Variants in DOCK3 observed in about 807,000 individuals in gnomAD.
DOCK3 encodes dedicator of cytokinesis protein 3.
In DOCK3, 60 loss-of-function variants were observed where a neutral mutation model predicts 265.6. That is an observed-to-expected ratio of 0.23 (90% CI 0.18 to 0.28). The LOEUF (loss-of-function observed/expected upper bound fraction) is 0.28, where lower values mean the gene tolerates loss of function less well. Ranked by LOEUF, DOCK3 falls within the 10% of genes least tolerant of loss-of-function variation. The probability of loss-of-function intolerance (pLI) is 1.00; values close to 1 mark genes in which losing one functional copy is unlikely to be tolerated. For missense variants in DOCK3, 1,981 were observed against 2,594.3 expected, an observed-to-expected ratio of 0.76 and a Z score of 5.14; for synonymous variants, 881 against 938.0, an observed-to-expected ratio of 0.94 and a Z score of 1.11.
intron 1 of DOCK3, among the ~76,000 whole-genome samples, chr3:50,732,802 T>C (rs1293715333): frequency 6.6e-6 from 1 of 152,176 alleles, no homozygotes; most frequent in Non-Finnish European, 1.5e-5. Context: ...TTATATTGTA[T>C]ACCTAAGGAT....
intron 27 of DOCK3, among the ~76,000 whole-genome samples, chr3:51,289,842 G>GA (rs1254367658): frequency 6.6e-6 from 1 of 151,740 alleles, no homozygotes; most frequent in Non-Finnish European, 1.5e-5. Context: ...AAATTTACAA[G>GA]AAAAAAACAA....
chr3:51,042,970 C>G (rs2080599194), intron 5 of DOCK3, among the ~76,000 whole-genome samples: 1 of 152,178 alleles, frequency 6.6e-6, no homozygotes, highest in Non-Finnish European at 1.5e-5. Context: ...TTAAAAAATT[C>G]CACACTCATG....
chr3:51,322,625 C>G (rs1046152066), intron 32 of DOCK3, among the ~76,000 whole-genome samples: 25 of 152,116 alleles, frequency 1.6e-4, no homozygotes, highest in African/African-American at 5.3e-4. Flanking sequence ...CACCACCAGG[C>G]CTGCCTTACA....
intron 10 of DOCK3, among the ~76,000 whole-genome samples, chr3:51,148,830 T>G (rs2085427660): frequency 6.6e-6 from 1 of 152,218 alleles, no homozygotes; most frequent in African/African-American, 2.4e-5. Context: ...ATGTGGGCTC[T>G]TTTTTGGTTC....
chr3:51,046,089 T>C (rs563786364), intron 5 of DOCK3, among the ~76,000 whole-genome samples: 40 of 152,168 alleles, frequency 2.6e-4, no homozygotes, highest in Non-Finnish European at 4.3e-4. Flanking sequence ...AAAAAACCTG[T>C]CATAGATTTT....
intron 3 of DOCK3, among the ~76,000 whole-genome samples, chr3:50,878,590 G>A (rs2355703): frequency 0.16 from 24,232 of 151,486 alleles, 2,325 homozygotes; most frequent in African/African-American, 0.26. Context: ...AAAAAGTAAA[G>A]AGAAACGAAC....
At chr3:50,702,177 G>C (rs2107826614) in intron 1 of DOCK3, among the ~76,000 whole-genome samples, 1 of 152,208 alleles carries the variant, frequency 6.6e-6, no homozygotes, top group East Asian at 1.9e-4. Context: ...TTTTAACACT[G>C]TTAGTTCTTT....
intron 12 of DOCK3, among the ~76,000 whole-genome samples, chr3:51,172,767 G>A (rs1360033593): frequency 6.6e-6 from 1 of 151,824 alleles, no homozygotes; most frequent in Non-Finnish European, 1.5e-5. Context: ...TTTTTATACT[G>A]GTATACTTTC....
chr3:50,915,470 C>T (rs556089683), intron 4 of DOCK3, among the ~76,000 whole-genome samples: 6 of 152,170 alleles, frequency 3.9e-5, no homozygotes, highest in East Asian at 3.9e-4. Context: ...GACGAGTTCA[C>T]CTGCATGGAA....
intron 3 of DOCK3, among the ~76,000 whole-genome samples, chr3:50,856,378 T>A (rs1435638431): frequency 6.6e-6 from 1 of 152,186 alleles, no homozygotes; most frequent in Non-Finnish European, 1.5e-5. Context: ...AATAGCCATT[T>A]TGACTGGCAT....
chr3:50,888,487 C>G (rs1030324930), intron 3 of DOCK3, among the ~76,000 whole-genome samples: 5 of 152,284 alleles, frequency 3.3e-5, no homozygotes, highest in Non-Finnish European at 5.9e-5. Flanking sequence ...CAATGACTTT[C>G]TTCACAGAAT....
chr3:50,971,284 C>T (rs2077225899), intron 5 of DOCK3, among the ~76,000 whole-genome samples: 1 of 151,602 alleles, frequency 6.6e-6, no homozygotes, highest in South Asian at 2.1e-4. Flanking sequence ...TTCTCTGTTT[C>T]CTTCTTTTCT....
In DOCK3 at chr3:50,803,828, C is replaced by T. The variant is rs931092608; in HGVS notation, c.121+25070C>T. Among the ~76,000 whole-genome samples the T allele has an allele frequency of 7.3e-5, 11 of 151,362 alleles. 1 individual carries two copies. The highest frequency in any genetic ancestry group is 3.9e-4 in the East Asian group (2 of 5,098). On this transcript the variant is annotated intron_variant, in intron 2 of 52. Coordinates refer to ENST00000266037, the MANE Select transcript of DOCK3 (RefSeq NM_004947.5). The stretch of plus-strand genomic sequence containing the variant: ...CTCCCTCCTGGAAGGGGCAGCTGGC[C>T]GGGTTGGGGCTGCCCCCCACCTCCA...
At position 51,350,353 on chromosome 3, in the gene DOCK3, G is replaced by A; in HGVS notation, c.4068G>A (p.Arg1356=). 1.2e-6 allele frequency: 2 copies of A among 1,612,296 alleles called. No homozygotes were observed. The highest frequency in any genetic ancestry group is 1.7e-6 in the Non-Finnish European group (2 of 1,179,458). The change falls in exon 40 of 53, where the codon CGG becomes CGA. Residue 1356 remains arginine (R), a synonymous_variant. Transcript: ENST00000266037. ...AACGCCTGGAGCCTGAGTTCTTTCG[G>A]GTCGGCTTCTATGGCAGGAAGTTTC... is the stretch of plus-strand genomic sequence containing the variant. ...EQQRLEPEFF[R]VGFYGRKFPF...
At chr3:50,792,363 CTG>C (rs1204815490) in intron 2 of DOCK3, among the ~76,000 whole-genome samples, 1 of 152,126 alleles carries the variant, frequency 6.6e-6, no homozygotes, top group Non-Finnish European at 1.5e-5. Flanking sequence ...GGGGCTGACA[CTG>C]TGGGGTTTTG....
At chr3:51,169,684 A>G (rs1275323324) in intron 12 of DOCK3, among the ~76,000 whole-genome samples, 1 of 152,014 alleles carries the variant, frequency 6.6e-6, no homozygotes, top group Non-Finnish European at 1.5e-5. Flanking sequence ...GCCAACCCTT[A>G]TGATACGAGT....
chr3:50,908,418 C>T (rs1479714600), intron 4 of DOCK3, among the ~76,000 whole-genome samples: 1 of 151,942 alleles, frequency 6.6e-6, no homozygotes, highest in Non-Finnish European at 1.5e-5. Flanking sequence ...GATTCTGTTA[C>T]ATTGTCTCTT....
At chr3:50,969,730 A>G (rs1039294885) in intron 5 of DOCK3, among the ~76,000 whole-genome samples, 2 of 152,202 alleles carry the variant, frequency 1.3e-5, no homozygotes, top group Non-Finnish European at 2.9e-5. Flanking sequence ...ATTCATGATG[A>G]AACTTAGTTT....
chr3:51,178,170 A>T (rs1382044551), intron 12 of DOCK3, among the ~76,000 whole-genome samples: 2 of 152,210 alleles, frequency 1.3e-5, no homozygotes, highest in African/African-American at 4.8e-5. Flanking sequence ...TATTAATGAT[A>T]AAAATAAAGT....
Sources: allele counts gnomAD v4.1 joint callset (sites outside exome capture counted in the v4.1 genomes callset), GRCh38; gene constraint gnomAD v4.1.1; transcripts MANE v1.5; gene names NCBI Gene and HGNC (gene_info 2026-07-23, HGNC 2026-07-21).